The following SKOR2 variants were observed in gnomAD, a reference collection of about 807,000 sequenced individuals.
SKOR2 encodes the protein SKI family transcriptional corepressor 2.
A neutral mutation model predicts 69.1 loss-of-function variants in SKOR2; 47 were observed. That is an observed-to-expected ratio of 0.68 (90% confidence interval 0.54 to 0.87). The LOEUF (loss-of-function observed/expected upper bound fraction) is 0.87, where lower values mean the gene tolerates loss of function less well. SKOR2 is among the 40% of genes least tolerant of loss of function. The probability of loss-of-function intolerance (pLI) is 0.00; values close to 1 mark genes in which losing one functional copy is unlikely to be tolerated. For synonymous variants in SKOR2, 717 were observed against 672.6 expected, an observed-to-expected ratio of 1.07 and a Z score of -1.02; for missense variants, 1,404 against 1,472.2, an observed-to-expected ratio of 0.95 and a Z score of 0.76.
chr18:47,247,762 C>A lies in SKOR2; in HGVS notation c.1422G>T (p.Arg474=). 1 of 1,381,358 alleles carries A rather than the reference C, an allele frequency of 7.2e-7. No individual in the cohort carries two copies. The highest frequency in any genetic ancestry group is 1.7e-5 in the South Asian group (1 of 60,366). 85.6% of individuals were successfully genotyped at this position (1,381,358 alleles called of 1,614,324 possible). Residue 474 remains arginine (R), a synonymous_variant, in exon 2 of 9, where the codon CGG becomes CGT. Coordinates refer to ENST00000425639, the MANE Select transcript of SKOR2 (RefSeq NM_001278063.4). The surrounding 1 kb of genome is among the most constrained non-coding windows in gnomAD (Gnocchi z 6.6). ...TGGGCACCGGGAGCCCGCCAGGGGTCCGCGGCGGCCAGAACATGCAGAAGG... is the reference window on the plus strand; with the variant it reads ...TGGGCACCGGGAGCCCGCCAGGGGTACGCGGCGGCCAGAACATGCAGAAGG... ...YPPFCMFWPP[R]TPGGLPVPTY... is the part of the protein sequence containing the mutation.
At chr18:47,222,472 T>C (rs1184009361) in intron 6 of SKOR2, among the ~76,000 whole-genome samples, 1 of 152,144 alleles carries the variant, frequency 6.6e-6, no homozygotes, top group Non-Finnish European at 1.5e-5. Flanking sequence ...GGAGCTAGCA[T>C]CCACCTCACC....
At chr18:47,213,564 A>T (rs1255896519) in intron 7 of SKOR2, among the ~76,000 whole-genome samples, 2 of 152,050 alleles carry the variant, frequency 1.3e-5, no homozygotes, top group Non-Finnish European at 2.9e-5. Flanking sequence ...TTACTGTAAT[A>T]ATTAGTCAGC....
At chr18:47,218,335 A>G (rs2064150551) in intron 7 of SKOR2, among the ~76,000 whole-genome samples, 1 of 152,044 alleles carries the variant, frequency 6.6e-6, no homozygotes. Flanking sequence ...CATGCCTGTA[A>G]TCCCAGCACT....
In SKOR2 at chr18:47,248,111, G is replaced by T; in HGVS notation, c.1073C>A (p.Ala358Asp). The T allele has an allele frequency of 2.2e-6, 3 of 1,340,758 alleles. No homozygotes were observed. The highest frequency in any genetic ancestry group is 2.9e-6 in the Non-Finnish European group (3 of 1,051,862). The allele number at this position is 1,340,758 out of a possible 1,614,324, so 83.1% of individuals were successfully genotyped here. The change falls in exon 2 of 9, where the codon GCC becomes GAC. Residue 358 changes from alanine (A) to aspartate (D), a missense_variant. Ala to Asp is a moderately radical substitution (Grantham distance 126). This residue lies in a region of SKOR2 where 1,266 missense variants were observed against 1,309.9 expected (regional missense o/e 0.97). Coordinates refer to ENST00000425639, the MANE Select transcript of SKOR2 (RefSeq NM_001278063.4). This position sits in a 1 kb window ranked among gnomAD's most constrained non-coding sequence, Gnocchi z 6.4. ...GGGGAGGGCV[A>D]GVGVGAGAGA... ...CGCGCCCGCGCCCACGCCCACGCCG[G>T]CCACACAGCCACCCCCAGCGCCGCC... is the stretch of plus-strand genomic sequence containing the variant.
Position 47,244,968 on chromosome 18 carries a change from G to T in SKOR2, c.2692C>A (p.His898Asn). ...DNSFSDKNKE[H>N]SFFITDSDAS... Reference sequence around the variant, plus strand: ...TCAGAGTCTGTGATGAAAAAGCTATGCTCCTTGTTCTTATCTAGAACCAAA... The same window carrying T: ...TCAGAGTCTGTGATGAAAAAGCTATTCTCCTTGTTCTTATCTAGAACCAAA... The change falls in exon 4 of 9, where the codon CAT becomes AAT. Residue 898 changes from histidine (H) to asparagine (N), a missense_variant. Around this residue, in one of 3 missense-constraint regions of SKOR2, gnomAD observed 1,266 missense variants for 1,309.9 expected, o/e 0.97. Transcript: ENST00000425639. 1 of 1,535,442 alleles carries T rather than the reference G, an allele frequency of 6.5e-7. No homozygotes were observed. The highest frequency in any genetic ancestry group is 8.7e-7 in the Non-Finnish European group (1 of 1,146,504).
intron 7 of SKOR2, among the ~76,000 whole-genome samples, chr18:47,214,053 T>C (rs965791657): frequency 2.0e-5 from 3 of 152,194 alleles, no homozygotes; most frequent in Admixed American, 1.3e-4. Context: ...TGTGCCACTC[T>C]CACATTTAAG....
At chr18:47,246,406 C>G (rs1270759895) in intron 2 of SKOR2, among the ~76,000 whole-genome samples, 165 bp downstream of exon 2, 1 of 152,206 alleles carries the variant, frequency 6.6e-6, no homozygotes. Context: ...CACATTTTTA[C>G]GGAGGACCAC....
At position 47,234,256 on chromosome 18, in the gene SKOR2, T is replaced by TA. The variant is rs11285386; in HGVS notation, c.2753-3257dup. Among the ~76,000 whole-genome samples, 1,329 of 150,976 alleles carry TA rather than the reference T, an allele frequency of 8.8e-3. 4 individuals carry two copies. Among genetic ancestry groups the TA allele is most frequent in the Non-Finnish European group, 0.014 (930 of 67,652 alleles). ...TTACTGCTAATGGTTTCCATCTGGT[T>TA]AAAAAAAAAGGCAGTCTAATACTAG... On this transcript the variant is annotated intron_variant, in intron 4 of 8. Transcript: ENST00000425639.
intron 7 of SKOR2, among the ~76,000 whole-genome samples, chr18:47,213,561 A>G: frequency 6.6e-6 from 1 of 151,944 alleles, no homozygotes; most frequent in East Asian, 1.9e-4. Context: ...ATTTTACTGT[A>G]ATAATTAGTC....
intron 1 of SKOR2, 22 bp from the exon 2 acceptor site, chr18:47,249,252 G>A (rs2064302545): frequency 4.1e-6 from 6 of 1,468,884 alleles, no homozygotes; most frequent in African/African-American, 2.8e-5. Context: ...AGGAGAAAGC[G>A]TTGACTTGAG....
intron 6 of SKOR2, among the ~76,000 whole-genome samples, chr18:47,228,366 C>G (rs1168541923): frequency 6.6e-6 from 1 of 152,146 alleles, no homozygotes; most frequent in Non-Finnish European, 1.5e-5. Flanking sequence ...TAGTGCACAT[C>G]AAAATGATGA....
chr18:47,215,128 G>A (rs930198883), intron 7 of SKOR2, among the ~76,000 whole-genome samples: 3 of 152,112 alleles, frequency 2.0e-5, no homozygotes, highest in Non-Finnish European at 4.4e-5. Context: ...TGATTGCACT[G>A]TCAAGGTGCA....
At chr18:47,235,780 C>CAAAAA (rs11433396) in intron 4 of SKOR2, among the ~76,000 whole-genome samples, 88 of 59,174 alleles carry the variant, frequency 1.5e-3, no homozygotes, top group East Asian at 3.7e-3. Context: ...CACAAACAAG[C>CAAAAA]AAAAAAAAAA....
intron 4 of SKOR2, among the ~76,000 whole-genome samples, chr18:47,238,191 T>G (rs1600042135): frequency 6.6e-6 from 1 of 152,262 alleles, no homozygotes; most frequent in East Asian, 1.9e-4. Context: ...AAATGTTTTG[T>G]TTTGATTTTT....
rs1285899733 is a variant in SKOR2 at position 47,247,414 on chromosome 18, G to A, written c.1770C>T (p.Ala590=). 1.0e-5 allele frequency: 13 copies of A among 1,306,448 alleles called. No homozygotes were observed. In the East Asian group the frequency reaches 3.2e-4, roughly 32 times the overall value. The allele number at this position is 1,306,448 out of a possible 1,614,324, so 80.9% of individuals were successfully genotyped here. A position where few individuals can be genotyped will look rare whatever the true frequency, so the allele number is the denominator to read the frequency against. ...CCCGGGAGCCCGCGGGGCCAGACCC[G>A]GCGGCCGCGGCCCCTGCCCCGGCAG... ...VAAAGAGAAA[A]GSGPAGSRVP... Residue 590 remains alanine, a synonymous_variant, in exon 2 of 9, where the codon GCC becomes GCT. Coordinates refer to ENST00000425639, the MANE Select transcript of SKOR2 (RefSeq NM_001278063.4). This position sits in a 1 kb window ranked among gnomAD's most constrained non-coding sequence, Gnocchi z 6.6.
chr18:47,248,145 T>C lies in SKOR2; in HGVS notation c.1039A>G (p.Thr347Ala), dbSNP rs2144518518. Residue 347 changes from threonine (T) to alanine (A), a missense_variant, in exon 2 of 9, where the codon ACT (threonine) becomes GCT (alanine). Transcript: ENST00000425639. The surrounding 1 kb of genome is among the most constrained non-coding windows in gnomAD (Gnocchi z 6.4). Reference sequence around the variant, plus strand: ...CCACCCCCAGCGCCGCCCCCACCAGTCCCCGCGCCGCCCGAAGCAGCAGCC... The same window carrying C: ...CCACCCCCAGCGCCGCCCCCACCAGCCCCCGCGCCGCCCGAAGCAGCAGCC... ...SVAAASGGAG[T>A]GGGGAGGGCV... is the part of the protein sequence containing the mutation. 1 of 1,260,254 alleles carries C rather than the reference T, an allele frequency of 7.9e-7. No homozygotes were observed. Among genetic ancestry groups the C allele is most frequent in the Non-Finnish European group, 9.9e-7 (1 of 1,010,178 alleles). The allele number at this position is 1,260,254 out of a possible 1,614,324, so 78.1% of individuals were successfully genotyped here. A position where few individuals can be genotyped will look rare whatever the true frequency, so the allele number is the denominator to read the frequency against.
chr18:47,246,562 G>A lies in SKOR2; in HGVS notation c.2613+9C>T. The A allele has an allele frequency of 6.6e-7, 1 of 1,511,280 alleles. No individual in the cohort carries two copies. The allele number at this position is 1,511,280 out of a possible 1,614,324, so 93.6% of individuals were successfully genotyped here. A position where few individuals can be genotyped will look rare whatever the true frequency, so the allele number is the denominator to read the frequency against. On this transcript the variant is annotated intron_variant, in intron 2 of 8. Coordinates refer to ENST00000425639, the MANE Select transcript of SKOR2 (RefSeq NM_001278063.4). ...AATTAGCTTGAAGGAGCCTAAAGGGGATATTTACATCTTTGTAGGAGGGCT... is the reference window on the plus strand; with the variant it reads ...AATTAGCTTGAAGGAGCCTAAAGGGAATATTTACATCTTTGTAGGAGGGCT...
intron 1 of SKOR2, 90 bp from the exon 2 acceptor site, chr18:47,249,320 CT>C: frequency 8.3e-7 from 1 of 1,208,304 alleles, no homozygotes; most frequent in South Asian, 1.6e-5. Flanking sequence ...ATTAGAATAA[CT>C]TTCTTGCTTT....
chr18:47,211,465 T>C (rs1413153678), intron 8 of SKOR2, among the ~76,000 whole-genome samples: 1 of 152,238 alleles, frequency 6.6e-6, no homozygotes, highest in Admixed American at 6.5e-5. Context: ...TTCGGTATGT[T>C]CTGAATATAG....
Sources: gnomAD v4.1 joint callset for allele counts (sites outside exome capture counted in the v4.1 genomes callset) on GRCh38, gnomAD v4.1.1 for gene constraint, gnomAD v4.1.1 regional missense constraint, Gnocchi (gnomAD v3.1) non-coding constraint, MANE v1.5 for transcripts, NCBI Gene and HGNC (gene_info 2026-07-23, HGNC 2026-07-21) for gene names.